POM121C: variants seen among roughly 807,000 people sequenced by gnomAD.
POM121C encodes the protein POM121 transmembrane nucleoporin C.
A neutral mutation model predicts 66.4 loss-of-function variants in POM121C; 20 were observed. The observed-to-expected ratio is 0.30, with a 90% CI of 0.21 to 0.44. The LOEUF (loss-of-function observed/expected upper bound fraction) is 0.44. POM121C is among the 20% of genes least tolerant of loss of function. POM121C has a pLI of 1.00. For missense variants in POM121C, 580 were observed against 1,225.7 expected (o/e 0.47, Z 7.87); for synonymous variants, 286 against 528.0 (o/e 0.54, Z 6.28).
At chr7:75,485,145 C>T (rs1418958642) in intron 1 of POM121C, among the ~76,000 whole-genome samples, 2 of 152,066 alleles carry the variant, frequency 1.3e-5, no homozygotes, top group South Asian at 2.1e-4. Flanking sequence ...GCATCCCGCC[C>T]GCATTTTCTT....
chr7:75,425,563 T>A, intron 9 of POM121C, 72 bp downstream of exon 9: 3 of 1,397,160 alleles, frequency 2.1e-6, no homozygotes. Context: ...TTTCAATAGG[T>A]ATTAATCTCT....
chr7:75,462,584 C>G (rs1339643672), intron 3 of POM121C, among the ~76,000 whole-genome samples: 5 of 152,142 alleles, frequency 3.3e-5, no homozygotes, highest in Non-Finnish European at 5.9e-5. Flanking sequence ...GTATTGAAGG[C>G]AGCAGAGCAG....
At position 75,468,011 on chromosome 7, in the gene POM121C, A is replaced by G. The variant is rs148039360; in HGVS notation, c.-152+6693T>C. On this transcript the variant is annotated intron_variant, in intron 3 of 14. Coordinates refer to ENST00000615331, the MANE Select transcript of POM121C (RefSeq NM_001099415.3). ...GCCAGGTGTAGTGGTGGGTGCCTAT[A>G]ATCCCCAGCTACTCAGGGGCTGAGG... Among the ~76,000 whole-genome samples, 789 of 151,628 alleles carry G rather than the reference A, an allele frequency of 5.2e-3. 12 individuals carry two copies. Among genetic ancestry groups the G allele is most frequent in the African/African-American group, 0.018 (765 of 41,378 alleles).
At chr7:75,453,905 A>C (rs1554476015) in intron 3 of POM121C, among the ~76,000 whole-genome samples, 1 of 152,190 alleles carries the variant, frequency 6.6e-6, no homozygotes, top group Non-Finnish European at 1.5e-5. Context: ...GAACCTGTCC[A>C]TGTGGCCCCT....
intron 3 of POM121C, 130 bp from the exon 4 acceptor site, chr7:75,441,777 G>C: frequency 1.1e-6 from 1 of 907,364 alleles, no homozygotes; most frequent in Non-Finnish European, 1.6e-6. Flanking sequence ...CACAGAACAC[G>C]TTGTTTTTAT....
rs185538178 is a variant in POM121C, at chr7:75,420,159, C to T, written c.2744-717G>A. On this transcript the variant is annotated intron_variant, in intron 13 of 14. Coordinates refer to ENST00000615331, the MANE Select transcript of POM121C (RefSeq NM_001099415.3). Reference sequence around the variant, plus strand: ...CTGGCTTCCTCCCCATCACCACTCACGGTGACTTCGCCCTGTGGGGCTGAC... The same window carrying T: ...CTGGCTTCCTCCCCATCACCACTCATGGTGACTTCGCCCTGTGGGGCTGAC... 9.1e-3 allele frequency: 1,391 copies of T among 152,368 alleles called. 9 individuals carry two copies. Among genetic ancestry groups the T allele is most frequent in the Non-Finnish European group, 0.014 (949 of 68,048 alleles). 9.4% of individuals were successfully genotyped at this position (152,368 alleles called of 1,614,324 possible).
In POM121C at chr7:75,486,218, C is replaced by T. The variant is rs587636502; in HGVS notation, c.-812G>A. On this transcript the variant is annotated 5_prime_UTR_variant, in exon 1 of 15. Transcript: ENST00000615331. ...CGGTCAGCATCCAGCCCCGCAGACT[C>T]GGTGATTCTCGTCCACTAGAAGCCA... is the stretch of plus-strand genomic sequence containing the variant. 4 of 287,870 alleles carry T rather than the reference C, an allele frequency of 1.4e-5. No homozygotes were observed. The Admixed American group carries it at 1.6e-4, about 11-fold the overall frequency. The allele number at this position is 287,870 out of a possible 1,614,324, so 17.8% of individuals were successfully genotyped here.
At chr7:75,454,216 T>C (rs1397100779) in intron 3 of POM121C, among the ~76,000 whole-genome samples, 7 of 152,200 alleles carry the variant, frequency 4.6e-5, no homozygotes, top group South Asian at 2.1e-4. Context: ...GAAAATAGCA[T>C]CTGCCACAGG....
chr7:75,466,211 TA>T (rs35718925), intron 3 of POM121C, among the ~76,000 whole-genome samples: 32 of 138,914 alleles, frequency 2.3e-4, no homozygotes, highest in South Asian at 9.0e-4. Flanking sequence ...GAAGAAGCAA[TA>T]AAAAAAAAAA....
At chr7:75,431,404 G>A (rs1216238670) in intron 7 of POM121C, among the ~76,000 whole-genome samples, 3 of 151,752 alleles carry the variant, frequency 2.0e-5, no homozygotes, top group African/African-American at 7.3e-5. Context: ...GGGAGTTTGA[G>A]ACCAGCCTGA....
intron 3 of POM121C, among the ~76,000 whole-genome samples, chr7:75,468,839 T>C (rs1219989283): frequency 6.6e-6 from 1 of 152,134 alleles, no homozygotes; most frequent in Admixed American, 6.6e-5. Context: ...CTGGGCAACT[T>C]AGTGAGACCC....
chr7:75,441,611 T>C lies in POM121C; in HGVS notation c.-115A>G. The C allele has an allele frequency of 6.3e-7, 1 of 1,577,554 alleles. No individual in the cohort carries two copies. The highest frequency in any genetic ancestry group is 8.6e-7 in the Non-Finnish European group (1 of 1,160,958). On this transcript the variant is annotated 5_prime_UTR_variant, in exon 4 of 15. Transcript: ENST00000615331. ...GATGGATCGGATAGCGTCTTCGAGG[T>C]GTTATTACAAACCGATCTGGTAAAG... is the stretch of plus-strand genomic sequence containing the variant.
At position 75,417,351 on chromosome 7, in the gene POM121C, A is replaced by G; in HGVS notation, c.*1445T>C. 4.6e-6 allele frequency: 4 copies of G among 867,542 alleles called. No individual in the cohort carries two copies. The highest frequency in any genetic ancestry group is 5.5e-6 in the Non-Finnish European group (4 of 722,116). 53.7% of individuals were successfully genotyped at this position (867,542 alleles called of 1,614,324 possible). A position where few individuals can be genotyped will look rare whatever the true frequency, so the allele number is the denominator to read the frequency against. On this transcript the variant is annotated 3_prime_UTR_variant, in exon 15 of 15. Coordinates refer to ENST00000615331, the MANE Select transcript of POM121C (RefSeq NM_001099415.3). ...ACTATACAGCTAATTCCTAGTTAATAGCATTTATACTTAACCACCTCAATG... is the reference window on the plus strand; with the variant it reads ...ACTATACAGCTAATTCCTAGTTAATGGCATTTATACTTAACCACCTCAATG...
At chr7:75,469,096 A>G (rs587771462) in intron 3 of POM121C, among the ~76,000 whole-genome samples, 1 of 149,112 alleles carries the variant, frequency 6.7e-6, no homozygotes, top group South Asian at 2.1e-4. Context: ...TTTTGGGTCT[A>G]CTTTCTTTTT....
In POM121C at chr7:75,418,897, G is replaced by T; in HGVS notation, c.2867-4C>A. Reference sequence around the variant, plus strand: ...GAAAATGAAGGGGCCGCCGATCCTGGAAAGATTCAACAAGACCTCATCAGG... The same window carrying T: ...GAAAATGAAGGGGCCGCCGATCCTGTAAAGATTCAACAAGACCTCATCAGG... On this transcript the variant is annotated splice_region_variant and splice_polypyrimidine_tract_variant and intron_variant, in intron 14 of 14. Transcript: ENST00000615331. 1 of 1,607,986 alleles carries T rather than the reference G, an allele frequency of 6.2e-7. No individual in the cohort carries two copies.
chr7:75,457,928 T>C (rs1430820016), intron 3 of POM121C, among the ~76,000 whole-genome samples: 2 of 152,394 alleles, frequency 1.3e-5, no homozygotes, highest in South Asian at 2.1e-4. Flanking sequence ...TAAAAAGCTT[T>C]AAAGCAGTAA....
chr7:75,440,925 C>A (rs199604075), intron 5 of POM121C, 29 bp downstream of exon 5: 1 of 1,541,638 alleles, frequency 6.5e-7, no homozygotes, highest in East Asian at 2.3e-5. Flanking sequence ...AAGCGGGAAA[C>A]TGGCTTAGTA....
At chr7:75,440,551 G>A (rs1584672946) in intron 5 of POM121C, 3 of 196,834 alleles carry the variant, frequency 1.5e-5, no homozygotes, top group East Asian at 3.1e-4. Flanking sequence ...CTGGGGGACA[G>A]AGACAGACTC....
intron 3 of POM121C, among the ~76,000 whole-genome samples, chr7:75,467,124 A>C (rs1554477946): frequency 6.6e-6 from 1 of 152,262 alleles, no homozygotes. Flanking sequence ...AAAGCTCAAC[A>C]GATGGTTCTC....
Sources: allele counts gnomAD v4.1 joint callset (sites outside exome capture counted in the v4.1 genomes callset), GRCh38; gene constraint gnomAD v4.1.1; transcripts MANE v1.5; gene names NCBI Gene and HGNC (gene_info 2026-07-23, HGNC 2026-07-21).